The following SMG6 variants were observed in gnomAD, a reference collection of about 807,000 sequenced individuals.
SMG6 encodes telomerase-binding protein EST1A.
SMG6 carries 66 observed loss-of-function variants against 142.2 expected under a neutral mutation model. The ratio of observed to expected loss-of-function variants is 0.46; its 90% CI spans 0.38 to 0.57. The LOEUF (loss-of-function observed/expected upper bound fraction) is 0.57, where lower values mean the gene tolerates loss of function less well. Ranked by LOEUF, SMG6 falls within the 20% of genes least tolerant of loss-of-function variation. SMG6 has a pLI of 0.00. For missense variants in SMG6, 1,793 were observed against 1,832.0 expected, an observed-to-expected ratio of 0.98 and a Z score of 0.39; for synonymous variants, 779 against 702.4, an observed-to-expected ratio of 1.11 and a Z score of -1.72.
At chr17:2,249,864 C>A (rs994554009) in intron 8 of SMG6, among the ~76,000 whole-genome samples, 2 of 152,142 alleles carry the variant, frequency 1.3e-5, no homozygotes, top group African/African-American at 4.8e-5. Flanking sequence ...GAGCTCAACC[C>A]AAAGAGACAC....
At chr17:2,111,908 G>C (rs1394746970) in intron 13 of SMG6, among the ~76,000 whole-genome samples, 3 of 152,116 alleles carry the variant, frequency 2.0e-5, no homozygotes, top group Non-Finnish European at 4.4e-5. Context: ...CATCACAGAT[G>C]AGAGTTTTAC....
chr17:2,076,307 G>C (rs951089049), intron 15 of SMG6, among the ~76,000 whole-genome samples: 1 of 152,088 alleles, frequency 6.6e-6, no homozygotes, highest in African/African-American at 2.4e-5. Context: ...TAATTCACTC[G>C]ATGCTCCTTT....
intron 10 of SMG6, 138 bp downstream of exon 10, chr17:2,236,354 A>C: frequency 2.9e-6 from 2 of 688,000 alleles, no homozygotes; most frequent in African/African-American, 1.9e-5. Flanking sequence ...AGACAATGGT[A>C]GGAAGCGTAG....
intron 13 of SMG6, chr17:2,088,861 GAGA>G (rs1189315483): frequency 1.0e-6 from 1 of 984,758 alleles, no homozygotes; most frequent in Non-Finnish European, 1.2e-6. Context: ...GCCCACTGGG[GAGA>G]GGACCACCGC....
intron 15 of SMG6, among the ~76,000 whole-genome samples, chr17:2,069,539 C>A (rs531341356): frequency 6.6e-6 from 1 of 151,494 alleles, no homozygotes. Flanking sequence ...GAGGCTGCAG[C>A]GAGCCGAGAT....
chr17:2,243,714 T>C (rs1246102729), intron 9 of SMG6, among the ~76,000 whole-genome samples: 3 of 152,170 alleles, frequency 2.0e-5, no homozygotes, highest in African/African-American at 7.2e-5. Context: ...CAGATAAACT[T>C]ACGAAGTTAT....
Position 2,085,978 on chromosome 17 carries a change from G to A in SMG6, c.3358-77C>T, listed in dbSNP as rs2068550393. On this transcript the variant is annotated intron_variant, in intron 13 of 18. Coordinates refer to ENST00000263073, the MANE Select transcript of SMG6 (RefSeq NM_017575.5). The surrounding 1 kb of genome is among the most constrained non-coding windows in gnomAD (Gnocchi z 4.1). ...GGAGACGAGATGTTGCTTGCCGGCTGAGGGGCACAGGGGAACTGTGTCAAA... is the reference window on the plus strand; with the variant it reads ...GGAGACGAGATGTTGCTTGCCGGCTAAGGGGCACAGGGGAACTGTGTCAAA... 1 of 1,444,026 alleles carries A rather than the reference G, an allele frequency of 6.9e-7. No homozygotes were observed. The highest frequency in any genetic ancestry group is 1.7e-5 in the Admixed American group (1 of 58,558). 89.5% of individuals were successfully genotyped at this position (1,444,026 alleles called of 1,614,324 possible). A position where few individuals can be genotyped will look rare whatever the true frequency, so the allele number is the denominator to read the frequency against.
At chr17:2,064,843 G>A (rs2067891853) in intron 18 of SMG6, among the ~76,000 whole-genome samples, 1 of 151,564 alleles carries the variant, frequency 6.6e-6, no homozygotes, top group Non-Finnish European at 1.5e-5. Context: ...CCTAGGGCTG[G>A]GCTTCCTGGG....
chr17:2,085,632 T>C lies in SMG6; in HGVS notation c.3534+93A>G, dbSNP rs577752987. The C allele has an allele frequency of 5.1e-5, 65 of 1,273,202 alleles. No individual in the cohort carries two copies. The East Asian group carries it at 1.5e-3, about 30-fold the overall frequency. The allele number at this position is 1,273,202 out of a possible 1,614,324, so 78.9% of individuals were successfully genotyped here. ...ACATTAACACAGACGCTGTTCTCTGTGCTCATAAATAAGCAGGAGGAAAAG... is the reference window on the plus strand; with the variant it reads ...ACATTAACACAGACGCTGTTCTCTGCGCTCATAAATAAGCAGGAGGAAAAG... On this transcript the variant is annotated intron_variant, in intron 14 of 18. Coordinates refer to ENST00000263073, the MANE Select transcript of SMG6 (RefSeq NM_017575.5). The surrounding 1 kb of genome is among the most constrained non-coding windows in gnomAD (Gnocchi z 4.1).
chr17:2,219,683 G>A (rs923581307), intron 10 of SMG6, among the ~76,000 whole-genome samples: 8 of 151,644 alleles, frequency 5.3e-5, no homozygotes, highest in Admixed American at 3.3e-4. Context: ...CATCTACCTG[G>A]GAGGCTGAGA....
intron 10 of SMG6, among the ~76,000 whole-genome samples, chr17:2,218,265 A>AT (rs2073075019): frequency 6.6e-6 from 1 of 151,958 alleles, no homozygotes; most frequent in Non-Finnish European, 1.5e-5. Context: ...AGATAACCAA[A>AT]TAGGCCAGGC....
At chr17:2,250,613 G>C (rs1367427220) in intron 8 of SMG6, among the ~76,000 whole-genome samples, 2 of 151,920 alleles carry the variant, frequency 1.3e-5, no homozygotes, top group Non-Finnish European at 2.9e-5. Flanking sequence ...TCAAACTCCT[G>C]GGCTCAAGCG....
chr17:2,091,218 C>T (rs966344132), intron 13 of SMG6, among the ~76,000 whole-genome samples: 2 of 152,132 alleles, frequency 1.3e-5, no homozygotes, highest in Non-Finnish European at 2.9e-5. Flanking sequence ...ATAAAAAATA[C>T]CACACAGGGA....
intron 10 of SMG6, among the ~76,000 whole-genome samples, chr17:2,226,666 G>A (rs965537668): frequency 3.9e-5 from 6 of 151,972 alleles, no homozygotes; most frequent in East Asian, 1.9e-4. Context: ...AGGCCAAGGC[G>A]GGTGGATCAC....
intron 13 of SMG6, among the ~76,000 whole-genome samples, chr17:2,142,387 G>A (rs892778385): frequency 6.6e-6 from 1 of 152,156 alleles, no homozygotes; most frequent in African/African-American, 2.4e-5. Flanking sequence ...ACTCATGCCT[G>A]TAATCCCAGC....
At chr17:2,205,404 G>C (rs919652190) in intron 10 of SMG6, among the ~76,000 whole-genome samples, 1 of 152,076 alleles carries the variant, frequency 6.6e-6, no homozygotes, top group African/African-American at 2.4e-5. Flanking sequence ...TTTTAAACTA[G>C]ATTAAAATTT....
chr17:2,187,994 C>T (rs1004012771), intron 11 of SMG6, among the ~76,000 whole-genome samples: 1 of 152,108 alleles, frequency 6.6e-6, no homozygotes, highest in Non-Finnish European at 1.5e-5. Flanking sequence ...AGTGAGTCTC[C>T]CATGATGGCT....
chr17:2,081,697 G>A, intron 15 of SMG6, 113 bp downstream of exon 15: 1 of 1,275,948 alleles, frequency 7.8e-7, no homozygotes, highest in Non-Finnish European at 1.1e-6. Context: ...AGAGAACACT[G>A]CAGGACTGAC....
At position 2,066,280 on chromosome 17, in the gene SMG6, GTGTA is replaced by G. The variant is rs200320412; in HGVS notation, c.3836-605_3836-602del. ...TGCGCGCACGTGTATGTCTGTGTGC[GTGTA>G]TGTGTCTGTGTGCGTGTGTACATGT... On this transcript the variant is annotated intron_variant, in intron 16 of 18. Coordinates refer to ENST00000263073, the MANE Select transcript of SMG6 (RefSeq NM_017575.5). Among the ~76,000 whole-genome samples, 913 of 151,568 alleles carry G rather than the reference GTGTA, an allele frequency of 6.0e-3. 9 individuals carry two copies. Among genetic ancestry groups the G allele is most frequent in the African/African-American group, 0.019 (793 of 40,978 alleles).
Sources: allele counts gnomAD v4.1 joint callset (sites outside exome capture counted in the v4.1 genomes callset), GRCh38; gene constraint gnomAD v4.1.1; non-coding constraint Gnocchi (gnomAD v3.1); transcripts MANE v1.5; gene names NCBI Gene and HGNC (gene_info 2026-07-23, HGNC 2026-07-21).